The following GREB1L variants were observed in gnomAD, a reference collection of about 807,000 sequenced individuals.
GREB1L encodes GREB1-like protein.
A neutral mutation model predicts 200.8 loss-of-function variants in GREB1L; 17 were observed. The observed-to-expected ratio is 0.08, with a 90% CI of 0.06 to 0.13. The LOEUF (loss-of-function observed/expected upper bound fraction) is 0.13, where lower values mean the gene tolerates loss of function less well. Among genes scored for constraint, GREB1L ranks in the 10% least tolerant of loss-of-function variants. The pLI is 1.00. For synonymous variants in GREB1L, 789 were observed against 893.0 expected (o/e 0.88, Z 2.08); for missense variants, 1,657 against 2,367.7 (o/e 0.70, Z 6.23).
In GREB1L at chr18:21,495,742, G is replaced by A. The variant is rs1434571187; in HGVS notation, c.3103G>A (p.Val1035Met). Residue 1035 changes from valine to methionine, a missense_variant, in exon 20 of 33, where the codon GTG becomes ATG. By Grantham distance (21) the Val-to-Met change is conservative. Transcript: ENST00000424526. ...AGATTTAGACGGTCTACCTTGTATT[G>A]TGATATTAACTGGCAAAGATCCTCT... is the stretch of plus-strand genomic sequence containing the variant. Reference protein sequence around the residue: ...YQDLDGLPCIVILTGKDPLGE... With the variant: ...YQDLDGLPCIMILTGKDPLGE... The A allele has an allele frequency of 6.5e-7, 1 of 1,546,088 alleles. No individual in the cohort carries two copies. Among genetic ancestry groups the A allele is most frequent in the South Asian group, 1.2e-5 (1 of 83,418 alleles).
intron 1 of GREB1L, among the ~76,000 whole-genome samples, chr18:21,249,429 T>C (rs1413191947): frequency 6.6e-6 from 1 of 152,222 alleles, no homozygotes; most frequent in Non-Finnish European, 1.5e-5. Flanking sequence ...TAACAAACTG[T>C]CTGCTTACTA....
chr18:21,492,753 T>C (rs2036391626), intron 19 of GREB1L, among the ~76,000 whole-genome samples: 1 of 152,034 alleles, frequency 6.6e-6, no homozygotes, highest in Non-Finnish European at 1.5e-5. Flanking sequence ...CTTCCTCAAT[T>C]GGTATGAGTA....
At chr18:21,518,371 T>A in intron 31 of GREB1L, 137 bp downstream of exon 31, 1 of 783,360 alleles carries the variant, frequency 1.3e-6, no homozygotes, top group Non-Finnish European at 2.0e-6. Context: ...GAACTTTTAT[T>A]AAAGATAGTA....
chr18:21,496,769 A>G (rs2036563760), intron 21 of GREB1L, 71 bp downstream of exon 21: 3 of 1,501,356 alleles, frequency 2.0e-6, no homozygotes, highest in Non-Finnish European at 2.7e-6. Context: ...TTTGGAAGGC[A>G]GAGGCATTTA....
At chr18:21,313,294 C>T (rs936170348) in intron 1 of GREB1L, among the ~76,000 whole-genome samples, 5 of 151,954 alleles carry the variant, frequency 3.3e-5, no homozygotes, top group Non-Finnish European at 4.4e-5. Flanking sequence ...TCTACTTCAC[C>T]AACTCTGAAA....
rs554091187 is a variant in GREB1L, at chr18:21,488,171, C to T, written c.2691-1841C>T. ...AATACAAAATTAGCTGGGCGCATGC[C>T]TGTAATCCCAGCTACTCAGGAGGCT... On this transcript the variant is annotated intron_variant, in intron 18 of 32. Coordinates refer to ENST00000424526, the MANE Select transcript of GREB1L (RefSeq NM_001142966.3). Among the ~76,000 whole-genome samples, 4 of 152,210 alleles carry T rather than the reference C, an allele frequency of 2.6e-5. No individual in the cohort carries two copies. In the South Asian group the frequency reaches 8.3e-4, roughly 32 times the overall value.
chr18:21,292,646 A>T (rs2038468702), intron 1 of GREB1L, among the ~76,000 whole-genome samples: 1 of 152,180 alleles, frequency 6.6e-6, no homozygotes, highest in Non-Finnish European at 1.5e-5. Context: ...ACTTAGCCTG[A>T]TGTTTTCAAG....
intron 4 of GREB1L, among the ~76,000 whole-genome samples, chr18:21,386,772 T>C (rs1188248411): frequency 2.0e-5 from 3 of 152,148 alleles, no homozygotes; most frequent in Non-Finnish European, 4.4e-5. Flanking sequence ...CCCAAAGTGC[T>C]AGGATTACAG....
chr18:21,320,551 C>T (rs2038935611), intron 1 of GREB1L, among the ~76,000 whole-genome samples: 1 of 151,836 alleles, frequency 6.6e-6, no homozygotes, highest in Non-Finnish European at 1.5e-5. Flanking sequence ...ATCACGAGGT[C>T]AGGAGATTGA....
chr18:21,420,882 C>T (rs2032091832), intron 7 of GREB1L, among the ~76,000 whole-genome samples: 1 of 151,980 alleles, frequency 6.6e-6, no homozygotes, highest in Non-Finnish European at 1.5e-5. Flanking sequence ...TGGAAACAAC[C>T]CAAAAGTCTA....
intron 11 of GREB1L, among the ~76,000 whole-genome samples, chr18:21,448,950 T>G (rs542277849): frequency 6.6e-6 from 1 of 152,280 alleles, no homozygotes; most frequent in African/African-American, 2.4e-5. Flanking sequence ...GCGTTCTCTA[T>G]CTGGGAAAAA....
intron 15 of GREB1L, among the ~76,000 whole-genome samples, chr18:21,470,448 G>GT (rs1568037333): frequency 6.6e-6 from 1 of 151,872 alleles, no homozygotes; most frequent in African/African-American, 2.4e-5. Context: ...TCTTACATAC[G>GT]TTTTGTAAGA....
chr18:21,278,728 A>T (rs2076727972), intron 1 of GREB1L, among the ~76,000 whole-genome samples: 1 of 152,282 alleles, frequency 6.6e-6, no homozygotes, highest in East Asian at 1.9e-4. Context: ...CAGAGTCCAG[A>T]TTTGAATAAA....
intron 1 of GREB1L, among the ~76,000 whole-genome samples, chr18:21,332,253 G>A (rs1392319294): frequency 1.3e-5 from 2 of 152,094 alleles, no homozygotes; most frequent in South Asian, 2.1e-4. Context: ...AGGGTTATTT[G>A]CCTCTATGCT....
chr18:21,448,177 G>A (rs1327469429), intron 11 of GREB1L, among the ~76,000 whole-genome samples: 10 of 146,144 alleles, frequency 6.8e-5, no homozygotes, highest in Non-Finnish European at 1.4e-4. Flanking sequence ...AAAAAAAGCA[G>A]CAGCAGCAGC....
intron 1 of GREB1L, among the ~76,000 whole-genome samples, chr18:21,348,854 A>T (rs1446814858): frequency 6.6e-6 from 1 of 152,160 alleles, no homozygotes; most frequent in Non-Finnish European, 1.5e-5. Context: ...CTGAGTTGGG[A>T]CAATTACTTA....
At chr18:21,410,796 G>A (rs2030897770) in intron 7 of GREB1L, among the ~76,000 whole-genome samples, 1 of 151,424 alleles carries the variant, frequency 6.6e-6, no homozygotes, top group East Asian at 1.9e-4. Flanking sequence ...CAAAGAACTA[G>A]TATCAAGAAT....
At chr18:21,325,935 G>A (rs1346394068) in intron 1 of GREB1L, among the ~76,000 whole-genome samples, 2 of 150,658 alleles carry the variant, frequency 1.3e-5, no homozygotes, top group Non-Finnish European at 2.9e-5. Context: ...GACAGAAGTA[G>A]ATAAGACTTG....
intron 1 of GREB1L, among the ~76,000 whole-genome samples, chr18:21,297,592 T>C (rs1210260568): frequency 6.6e-6 from 1 of 151,928 alleles, no homozygotes; most frequent in African/African-American, 2.4e-5. Flanking sequence ...CTGGGAGGCA[T>C]GTTAGGAGAA....
Sources: allele counts gnomAD v4.1 joint callset (sites outside exome capture counted in the v4.1 genomes callset), GRCh38; gene constraint gnomAD v4.1.1; transcripts MANE v1.5; gene names NCBI Gene and HGNC (gene_info 2026-07-23, HGNC 2026-07-21).